The following TRPM3 variants were observed in gnomAD, a reference collection of about 807,000 sequenced individuals.
TRPM3 encodes the protein long transient receptor potential channel 3.
A neutral mutation model predicts 181.2 loss-of-function variants in TRPM3; 77 were observed. The observed-to-expected ratio is 0.42, with a 90% confidence interval of 0.35 to 0.51. TRPM3 has a LOEUF of 0.51. Among genes scored for constraint, TRPM3 ranks in the 20% least tolerant of loss-of-function variants. The probability of loss-of-function intolerance (pLI) is 0.01; values close to 1 mark genes in which losing one functional copy is unlikely to be tolerated. For missense variants in TRPM3, 1,759 were observed against 2,196.7 expected, an observed-to-expected ratio of 0.80 and a Z score of 3.98; for synonymous variants, 745 against 796.4, an observed-to-expected ratio of 0.94 and a Z score of 1.09.
In TRPM3 at chr9:71,062,006, C is replaced by A. The variant is rs191980380; in HGVS notation, c.177+59172G>T. On this transcript the variant is annotated intron_variant, in intron 1 of 25. Coordinates refer to ENST00000677713, the MANE Select transcript of TRPM3 (RefSeq NM_001366145.2). ...CTTCCCCTTTGACCACAGAAGACCTCAGAAATGTGGATTGGAATGGCCCCA... is the reference window on the plus strand; with the variant it reads ...CTTCCCCTTTGACCACAGAAGACCTAAGAAATGTGGATTGGAATGGCCCCA... 2.0e-3 allele frequency among the ~76,000 whole-genome samples: 306 copies of A among 152,056 alleles called. 2 individuals carry two copies. Among genetic ancestry groups the A allele is most frequent in the African/African-American group, 7.1e-3 (293 of 41,488 alleles).
chr9:71,231,638 A>T (rs2081058077), intron 1 of TRPM3, among the ~76,000 whole-genome samples: 1 of 152,192 alleles, frequency 6.6e-6, no homozygotes. Flanking sequence ...CAGCAACATG[A>T]TGCAGCTGGA....
intron 1 of TRPM3, among the ~76,000 whole-genome samples, chr9:71,352,118 AC>A (rs1358968180): frequency 1.3e-5 from 2 of 151,818 alleles, no homozygotes; most frequent in African/African-American, 4.8e-5. Flanking sequence ...TTCGTGATCC[AC>A]CCACCTCAGC....
intron 1 of TRPM3, among the ~76,000 whole-genome samples, chr9:71,058,602 CA>C (rs2060939022): frequency 6.6e-6 from 1 of 151,998 alleles, no homozygotes; most frequent in Admixed American, 6.6e-5. Context: ...ATTTCTATGA[CA>C]TGCTTTTCAA....
chr9:71,011,172 G>A (rs933711337), intron 1 of TRPM3, among the ~76,000 whole-genome samples: 1 of 152,202 alleles, frequency 6.6e-6, no homozygotes, highest in East Asian at 1.9e-4. Context: ...TATAGAAGAT[G>A]GGGAATGGGA....
chr9:70,803,212 A>G (rs1243541374), intron 6 of TRPM3, among the ~76,000 whole-genome samples: 2 of 152,022 alleles, frequency 1.3e-5, no homozygotes, highest in East Asian at 1.9e-4. Context: ...TGCATCCTTG[A>G]CAGTCAGTCC....
chr9:71,228,335 A>G (rs1474783248), intron 1 of TRPM3, among the ~76,000 whole-genome samples: 2 of 152,200 alleles, frequency 1.3e-5, no homozygotes, highest in Non-Finnish European at 1.5e-5. Flanking sequence ...CCTCAACACA[A>G]TAAGAGCTAC....
intron 9 of TRPM3, among the ~76,000 whole-genome samples, chr9:70,656,812 T>C (rs1589871374): frequency 6.6e-6 from 1 of 152,128 alleles, no homozygotes; most frequent in Non-Finnish European, 1.5e-5. Flanking sequence ...TGTGTGTCCT[T>C]TCTAAAAAGG....
chr9:71,370,238 AAG>A (rs139330234), intron 1 of TRPM3, among the ~76,000 whole-genome samples: 1,844 of 152,340 alleles, frequency 0.012, 33 homozygotes, highest in African/African-American at 0.04. Context: ...TGTTCAAGTG[AAG>A]AGTCTCACAT....
At chr9:70,991,758 A>T (rs1467420211) in intron 1 of TRPM3, among the ~76,000 whole-genome samples, 1 of 152,142 alleles carries the variant, frequency 6.6e-6, no homozygotes, top group Non-Finnish European at 1.5e-5. Context: ...TGTGGCTCAT[A>T]GAAGGCCTTC....
chr9:70,811,556 T>C (rs953219158), intron 6 of TRPM3, among the ~76,000 whole-genome samples: 1 of 152,204 alleles, frequency 6.6e-6, no homozygotes, highest in African/African-American at 2.4e-5. Flanking sequence ...GTTAAGTGCT[T>C]GTACTGATGC....
intron 1 of TRPM3, among the ~76,000 whole-genome samples, chr9:71,013,458 C>A (rs1400184101): frequency 6.6e-6 from 1 of 151,404 alleles, no homozygotes; most frequent in African/African-American, 2.4e-5. Context: ...ACTTTGGAAG[C>A]TTTTGGGTTT....
chr9:70,974,431 C>G (rs533026598), intron 1 of TRPM3, among the ~76,000 whole-genome samples: 52 of 151,810 alleles, frequency 3.4e-4, no homozygotes, highest in African/African-American at 1.2e-3. Flanking sequence ...ACCAGCTACT[C>G]GGGAGGCTGA....
At chr9:71,358,279 T>C (rs2091991255) in intron 1 of TRPM3, among the ~76,000 whole-genome samples, 1 of 152,192 alleles carries the variant, frequency 6.6e-6, no homozygotes, top group South Asian at 2.1e-4. Context: ...TATCTATAAA[T>C]AATTCATTCA....
At chr9:70,834,125 T>C (rs1159860279) in intron 5 of TRPM3, among the ~76,000 whole-genome samples, 1 of 152,204 alleles carries the variant, frequency 6.6e-6, no homozygotes, top group Non-Finnish European at 1.5e-5. Flanking sequence ...GAAACCCAGA[T>C]GCCGCCTTTC....
intron 6 of TRPM3, among the ~76,000 whole-genome samples, chr9:70,820,038 G>A (rs2093033919): frequency 1.3e-5 from 2 of 152,114 alleles, no homozygotes; most frequent in Admixed American, 1.3e-4. Flanking sequence ...TTCAGCTCAA[G>A]TTCCTACACC....
chr9:71,417,157 T>A (rs959307608), intron 1 of TRPM3, among the ~76,000 whole-genome samples: 5 of 152,002 alleles, frequency 3.3e-5, no homozygotes, highest in Non-Finnish European at 5.9e-5. Context: ...TCATATATTT[T>A]CACTGGGATC....
At chr9:71,362,423 T>C (rs1462954627) in intron 1 of TRPM3, among the ~76,000 whole-genome samples, 1 of 152,068 alleles carries the variant, frequency 6.6e-6, no homozygotes, top group African/African-American at 2.4e-5. Context: ...GTGCTGGAAG[T>C]TGTGAGTGAA....
intron 1 of TRPM3, among the ~76,000 whole-genome samples, chr9:71,301,250 C>A (rs1015949893): frequency 6.6e-6 from 1 of 152,084 alleles, no homozygotes; most frequent in East Asian, 1.9e-4. Flanking sequence ...TCCAAGAGCA[C>A]CCAAAGAATG....
intron 1 of TRPM3, among the ~76,000 whole-genome samples, chr9:70,878,112 G>T (rs2095905048): frequency 6.6e-6 from 1 of 152,024 alleles, no homozygotes; most frequent in African/African-American, 2.4e-5. Context: ...TTATCCCACT[G>T]TTGATTCCAA....
Sources: gnomAD v4.1 joint callset for allele counts (sites outside exome capture counted in the v4.1 genomes callset) on GRCh38, gnomAD v4.1.1 for gene constraint, MANE v1.5 for transcripts, NCBI Gene and HGNC (gene_info 2026-07-23, HGNC 2026-07-21) for gene names.